ARMC1: variants seen among roughly 807,000 people sequenced by gnomAD.
ARMC1 encodes the protein armadillo repeat-containing protein 1.
A neutral mutation model predicts 31.4 loss-of-function variants in ARMC1; 16 were observed. The ratio of observed to expected loss-of-function variants is 0.51; its 90% CI spans 0.34 to 0.77. The LOEUF (loss-of-function observed/expected upper bound fraction) is 0.77, where lower values mean the gene tolerates loss of function less well. Ranked by LOEUF, ARMC1 falls within the 30% of genes least tolerant of loss-of-function variation. The probability of loss-of-function intolerance (pLI) is 0.01; values close to 1 mark genes in which losing one functional copy is unlikely to be tolerated. For synonymous variants in ARMC1, 114 were observed against 118.9 expected (o/e 0.96, Z 0.27); for missense variants, 259 against 347.5 (o/e 0.75, Z 2.02).
rs562833129 is a variant in ARMC1 at position 65,633,415 on chromosome 8, C to T, written c.-36+583G>A. Among the ~76,000 whole-genome samples, 4 of 152,276 alleles carry T rather than the reference C, an allele frequency of 2.6e-5. No homozygotes were observed. The South Asian group carries it at 8.3e-4, about 32-fold the overall frequency. ...AGCGGTTATCAGATTAAAGTAAGAACGCGAAATGGTAAAATCAAACACCAG... is the reference window on the plus strand; with the variant it reads ...AGCGGTTATCAGATTAAAGTAAGAATGCGAAATGGTAAAATCAAACACCAG... On this transcript the variant is annotated intron_variant, in intron 1 of 6. Transcript: ENST00000276569.
At chr8:65,605,588 T>TA (rs755010791) in intron 4 of ARMC1, 50 bp from the exon 5 acceptor site, 10 of 1,331,246 alleles carry the variant, frequency 7.5e-6, no homozygotes, top group Admixed American at 1.7e-5. Context: ...TAAAAGGTAA[T>TA]AAATCAGTGA....
chr8:65,617,109 T>C (rs1808287287), intron 3 of ARMC1, among the ~76,000 whole-genome samples: 1 of 152,262 alleles, frequency 6.6e-6, no homozygotes, highest in South Asian at 2.1e-4. Flanking sequence ...GCGGCCACCC[T>C]GTCTGGGAGG....
chr8:65,610,903 T>C (rs146519261), intron 4 of ARMC1, among the ~76,000 whole-genome samples: 35 of 152,248 alleles, frequency 2.3e-4, no homozygotes, highest in Non-Finnish European at 4.6e-4. Context: ...ATTATGAAAT[T>C]TATTGGCATA....
At chr8:65,617,032 C>T (rs148515291) in intron 3 of ARMC1, among the ~76,000 whole-genome samples, 4,181 of 146,556 alleles carry the variant, frequency 0.029, 131 homozygotes, top group African/African-American at 0.084. Flanking sequence ...CCAGCCACCC[C>T]GTCCGGGAGG....
chr8:65,613,168 CAA>C, intron 4 of ARMC1, 74 bp downstream of exon 4: 1 of 1,224,910 alleles, frequency 8.2e-7, no homozygotes, highest in East Asian at 2.5e-5. Context: ...GATTTATTCT[CAA>C]AGACTGTTAG....
chr8:65,633,120 A>AAGC (rs1188712867), intron 1 of ARMC1: 1 of 152,244 alleles, frequency 6.6e-6, no homozygotes, highest in Admixed American at 6.5e-5. Context: ...TAGAAGATAC[A>AAGC]TGTGAGACAC....
chr8:65,615,832 T>C (rs1322172264), intron 3 of ARMC1, among the ~76,000 whole-genome samples: 1 of 151,574 alleles, frequency 6.6e-6, no homozygotes, highest in Non-Finnish European at 1.5e-5. Flanking sequence ...GAGGCGGAGG[T>C]TGCAGTGGGC....
intron 1 of ARMC1, among the ~76,000 whole-genome samples, chr8:65,630,829 T>C (rs67425176): frequency 0.63 from 95,636 of 150,696 alleles, 30,541 homozygotes; most frequent in African/African-American, 0.69. Flanking sequence ...AAAAAAAAAA[T>C]ACAAACAAAA....
At chr8:65,606,498 C>T (rs1042792465) in intron 4 of ARMC1, among the ~76,000 whole-genome samples, 7 of 152,248 alleles carry the variant, frequency 4.6e-5, no homozygotes, top group African/African-American at 1.4e-4. Flanking sequence ...CTTAAATCAC[C>T]TGGTATTACA....
chr8:65,625,062 A>G (rs1232156808), intron 2 of ARMC1, among the ~76,000 whole-genome samples: 3 of 152,230 alleles, frequency 2.0e-5, no homozygotes, highest in Non-Finnish European at 2.9e-5. Context: ...CGGAGGTTGC[A>G]GTGAGCCAAG....
At chr8:65,612,872 TA>T (rs1275998079) in intron 4 of ARMC1, among the ~76,000 whole-genome samples, 1 of 151,794 alleles carries the variant, frequency 6.6e-6, no homozygotes, top group Non-Finnish European at 1.5e-5. Flanking sequence ...AAAAAATATA[TA>T]AAAAAATAAA....
intron 2 of ARMC1, among the ~76,000 whole-genome samples, chr8:65,626,071 A>G (rs1808505315): frequency 6.6e-6 from 1 of 152,006 alleles, no homozygotes; most frequent in Admixed American, 6.6e-5. Flanking sequence ...TTGTATTTTT[A>G]GTACAGACAG....
At chr8:65,612,677 C>T (rs1171057736) in intron 4 of ARMC1, among the ~76,000 whole-genome samples, 1 of 150,222 alleles carries the variant, frequency 6.7e-6, no homozygotes, top group Non-Finnish European at 1.5e-5. Context: ...GCCTGGCCAA[C>T]ATGGTGATAC....
intron 2 of ARMC1, among the ~76,000 whole-genome samples, chr8:65,626,095 T>C (rs1585719469): frequency 6.6e-6 from 1 of 152,076 alleles, no homozygotes; most frequent in East Asian, 1.9e-4. Context: ...TTCACTACGT[T>C]GGCCAAGCTG....
At chr8:65,607,669 A>G (rs1311818980) in intron 4 of ARMC1, among the ~76,000 whole-genome samples, 1 of 152,210 alleles carries the variant, frequency 6.6e-6, no homozygotes, top group Admixed American at 6.5e-5. Context: ...AAAAATTAGT[A>G]CATTCTACCA....
intron 4 of ARMC1, among the ~76,000 whole-genome samples, chr8:65,610,625 G>A (rs918170799): frequency 1.3e-5 from 2 of 151,904 alleles, no homozygotes; most frequent in African/African-American, 4.8e-5. Context: ...AACCCAGGAG[G>A]TGGAGGTTGC....
chr8:65,628,945 G>T (rs1397767417), intron 1 of ARMC1, among the ~76,000 whole-genome samples: 1 of 151,970 alleles, frequency 6.6e-6, no homozygotes, highest in Non-Finnish European at 1.5e-5. Flanking sequence ...CCTGATGTCA[G>T]GAGTTCAAGA....
intron 3 of ARMC1, among the ~76,000 whole-genome samples, chr8:65,614,568 T>C (rs1464818249): frequency 6.6e-6 from 1 of 152,208 alleles, no homozygotes; most frequent in Non-Finnish European, 1.5e-5. Context: ...TCATTTCACC[T>C]ATCAATGGGC....
At chr8:65,618,624 A>C (rs2129042695) in intron 3 of ARMC1, among the ~76,000 whole-genome samples, 1 of 151,182 alleles carries the variant, frequency 6.6e-6, no homozygotes, top group African/African-American at 2.4e-5. Flanking sequence ...CCCCACCCAA[A>C]CCATCCATTT....
Sources: allele counts gnomAD v4.1 joint callset (sites outside exome capture counted in the v4.1 genomes callset), GRCh38; gene constraint gnomAD v4.1.1; transcripts MANE v1.5; gene names NCBI Gene and HGNC (gene_info 2026-07-23, HGNC 2026-07-21).